Variants in HS6ST3 observed in about 807,000 individuals in gnomAD.
HS6ST3 encodes heparan-sulfate 6-O-sulfotransferase 3.
A neutral mutation model predicts 36.7 loss-of-function variants in HS6ST3; 12 were observed. The ratio of observed to expected loss-of-function variants is 0.33; its 90% CI spans 0.21 to 0.53. The LOEUF (loss-of-function observed/expected upper bound fraction) is 0.53, where lower values mean the gene tolerates loss of function less well. Among genes scored for constraint, HS6ST3 ranks in the 20% least tolerant of loss-of-function variants. The pLI is 0.95. For synonymous variants in HS6ST3, 240 were observed against 257.5 expected (o/e 0.93, Z 0.65); for missense variants, 584 against 640.9 (o/e 0.91, Z 0.96).
At chr13:96,782,320 AG>A (rs1258038989) in intron 1 of HS6ST3, among the ~76,000 whole-genome samples, 1 of 152,202 alleles carries the variant, frequency 6.6e-6, no homozygotes, top group Non-Finnish European at 1.5e-5. Context: ...TCTCCAAAAC[AG>A]TCGCCATGAA....
Position 96,142,463 on chromosome 13 carries a change from C to T in HS6ST3, c.707+50894C>T, listed in dbSNP as rs555029128. On this transcript the variant is annotated intron_variant, in intron 1 of 1. Coordinates refer to ENST00000376705, the MANE Select transcript of HS6ST3 (RefSeq NM_153456.4). Reference sequence around the variant, plus strand: ...AAATAAGACTGAAAAGAATCTGGTACCGAGTCAGTGACTCCTAAGGCAGGT... The same window carrying T: ...AAATAAGACTGAAAAGAATCTGGTATCGAGTCAGTGACTCCTAAGGCAGGT... Among the ~76,000 whole-genome samples the T allele has an allele frequency of 4.6e-5, 7 of 152,218 alleles. No homozygotes were observed. The South Asian group carries it at 1.4e-3, about 32-fold the overall frequency.
intron 1 of HS6ST3, among the ~76,000 whole-genome samples, chr13:96,506,122 A>G (rs1156662317): frequency 4.6e-5 from 7 of 152,140 alleles, no homozygotes; most frequent in Non-Finnish European, 8.8e-5. Flanking sequence ...TTTTAATAAC[A>G]TTTGAATAAT....
chr13:96,217,886 G>A (rs1468393049), intron 1 of HS6ST3, among the ~76,000 whole-genome samples: 2 of 151,988 alleles, frequency 1.3e-5, no homozygotes, highest in African/African-American at 2.4e-5. Context: ...ATGGATGGAT[G>A]GATAGATAGA....
intron 1 of HS6ST3, among the ~76,000 whole-genome samples, chr13:96,410,976 A>C (rs150440212): frequency 2.6e-5 from 4 of 152,216 alleles, no homozygotes; most frequent in African/African-American, 7.2e-5. Context: ...GCTCATAGCC[A>C]GGAATGAGGA....
intron 1 of HS6ST3, among the ~76,000 whole-genome samples, chr13:96,150,622 G>T (rs961054826): frequency 6.6e-6 from 1 of 152,098 alleles, no homozygotes; most frequent in Non-Finnish European, 1.5e-5. Flanking sequence ...TTTTTAAAAT[G>T]ATTCTTCTGT....
chr13:96,405,786 T>G (rs192630549), intron 1 of HS6ST3, among the ~76,000 whole-genome samples: 11 of 152,332 alleles, frequency 7.2e-5, no homozygotes, highest in African/African-American at 2.6e-4. Context: ...ACAGTAGATT[T>G]CGGAGGATTG....
At chr13:96,662,023 T>C (rs921716934) in intron 1 of HS6ST3, among the ~76,000 whole-genome samples, 7 of 152,158 alleles carry the variant, frequency 4.6e-5, no homozygotes, top group African/African-American at 9.7e-5. Context: ...TTACTGATTT[T>C]AGGATTTTTT....
At chr13:96,770,857 C>A (rs1340469455) in intron 1 of HS6ST3, among the ~76,000 whole-genome samples, 2 of 152,170 alleles carry the variant, frequency 1.3e-5, no homozygotes, top group African/African-American at 4.8e-5. Context: ...GCTATTGTCT[C>A]TGAAAGGAGG....
intron 1 of HS6ST3, among the ~76,000 whole-genome samples, chr13:96,562,068 A>G (rs2056264302): frequency 6.6e-6 from 1 of 152,248 alleles, no homozygotes; most frequent in African/African-American, 2.4e-5. Context: ...CCAAAAGCAC[A>G]TATGCATGAG....
chr13:96,676,013 T>G (rs2056697786), intron 1 of HS6ST3, among the ~76,000 whole-genome samples: 1 of 152,082 alleles, frequency 6.6e-6, no homozygotes, highest in African/African-American at 2.4e-5. Flanking sequence ...CTCAGGTCAC[T>G]TGATCATCCT....
intron 1 of HS6ST3, among the ~76,000 whole-genome samples, chr13:96,164,389 A>G (rs1209221716): frequency 6.6e-6 from 1 of 152,000 alleles, no homozygotes; most frequent in Non-Finnish European, 1.5e-5. Flanking sequence ...CACCGTCTAT[A>G]CAAAATTAAA....
intron 1 of HS6ST3, among the ~76,000 whole-genome samples, chr13:96,270,258 T>C (rs908449448): frequency 3.3e-5 from 5 of 151,866 alleles, no homozygotes; most frequent in Non-Finnish European, 7.4e-5. Context: ...GAAGGGAACC[T>C]ACTTTGCTGG....
intron 1 of HS6ST3, among the ~76,000 whole-genome samples, chr13:96,310,441 T>C (rs1472616613): frequency 2.6e-5 from 4 of 152,104 alleles, no homozygotes; most frequent in Non-Finnish European, 5.9e-5. Flanking sequence ...TGGATACAGG[T>C]AGAAAGTTTG....
intron 1 of HS6ST3, among the ~76,000 whole-genome samples, chr13:96,126,538 T>C (rs972893761): frequency 1.3e-5 from 2 of 152,152 alleles, no homozygotes; most frequent in Non-Finnish European, 2.9e-5. Context: ...AAAGGGGCTG[T>C]CTGCAAAGAG....
chr13:96,772,827 T>A (rs1272526291), intron 1 of HS6ST3, among the ~76,000 whole-genome samples: 1 of 152,194 alleles, frequency 6.6e-6, no homozygotes, highest in Admixed American at 6.5e-5. Flanking sequence ...TTGATTTTCT[T>A]TTTTGGGAAT....
intron 1 of HS6ST3, among the ~76,000 whole-genome samples, chr13:96,440,454 AGAAAG>A (rs2055664810): frequency 7.9e-6 from 1 of 126,766 alleles, no homozygotes; most frequent in Non-Finnish European, 1.6e-5. Context: ...AAAAAAGAAA[AGAAAG>A]GAAAGGGGAG....
In HS6ST3 at chr13:96,130,465, AT is replaced by A. The variant is rs2053970361; in HGVS notation, c.707+38897del. On this transcript the variant is annotated intron_variant, in intron 1 of 1. Transcript: ENST00000376705. ...TCATTAAAATGAGTAATATTGTCCTATAGGCAAAACATGATTTCTGGAAAAG... is the reference window on the plus strand; with the variant it reads ...TCATTAAAATGAGTAATATTGTCCTAAGGCAAAACATGATTTCTGGAAAAG... 2.6e-5 allele frequency among the ~76,000 whole-genome samples: 4 copies of A among 152,338 alleles called. No homozygotes were observed. In the South Asian group the frequency reaches 8.3e-4, roughly 32 times the overall value.
At chr13:96,490,205 A>G (rs897483614) in intron 1 of HS6ST3, among the ~76,000 whole-genome samples, 7 of 152,194 alleles carry the variant, frequency 4.6e-5, no homozygotes, top group Non-Finnish European at 1.0e-4. Context: ...TTAATTCTAT[A>G]GGAAAGCATC....
intron 1 of HS6ST3, among the ~76,000 whole-genome samples, chr13:96,300,007 A>G (rs976205341): frequency 6.6e-6 from 1 of 150,802 alleles, no homozygotes; most frequent in African/African-American, 2.4e-5. Flanking sequence ...GCATGTCTTC[A>G]CATGGCAGCA....
Sources: allele counts gnomAD v4.1 joint callset (sites outside exome capture counted in the v4.1 genomes callset), GRCh38; gene constraint gnomAD v4.1.1; transcripts MANE v1.5; gene names NCBI Gene and HGNC (gene_info 2026-07-23, HGNC 2026-07-21).